Variants in SVEP1 observed in about 807,000 individuals in gnomAD.
SVEP1 encodes the protein sushi, von Willebrand factor type A, EGF and pentraxin domain containing 1, also known as sushi, von Willebrand factor type A, EGF and pentraxin domain-containing protein 1.
In SVEP1, 164 loss-of-function variants were observed where a neutral mutation model predicts 367.3. The observed-to-expected ratio is 0.45, with a 90% CI of 0.39 to 0.51. SVEP1 has a LOEUF of 0.51. Among genes scored for constraint, SVEP1 ranks in the 20% least tolerant of loss-of-function variants. SVEP1 has a pLI of 0.00. For synonymous variants in SVEP1, 1,666 were observed against 1,611.6 expected (o/e 1.03, Z -0.81); for missense variants, 4,117 against 4,425.3 (o/e 0.93, Z 1.98).
chr9:110,542,619 A>G (rs1830165511), intron 3 of SVEP1, among the ~76,000 whole-genome samples: 1 of 152,192 alleles, frequency 6.6e-6, no homozygotes, highest in African/African-American at 2.4e-5. Context: ...GGCAATTACA[A>G]ACTGATTTTT....
chr9:110,402,687 C>G (rs1827882448), intron 39 of SVEP1, among the ~76,000 whole-genome samples: 1 of 152,108 alleles, frequency 6.6e-6, no homozygotes, highest in Non-Finnish European at 1.5e-5. Flanking sequence ...ACCTGGAGAA[C>G]AACAATTTGA....
intron 3 of SVEP1, among the ~76,000 whole-genome samples, chr9:110,528,164 A>ATATATATATATATG (rs1829969664): frequency 9.0e-6 from 1 of 110,816 alleles, no homozygotes; most frequent in Non-Finnish European, 2.0e-5. Flanking sequence ...GTGTATATAT[A>ATATATATATATATG]TATATATATA....
rs563107499 is a variant in SVEP1, at chr9:110,427,079, C to T, written c.5975+512G>A. Among the ~76,000 whole-genome samples, 6 of 152,094 alleles carry T rather than the reference C, an allele frequency of 3.9e-5. No homozygotes were observed. In the South Asian group the frequency reaches 1.2e-3, roughly 32 times the overall value. On this transcript the variant is annotated intron_variant, in intron 36 of 47. Coordinates refer to ENST00000374469, the MANE Select transcript of SVEP1 (RefSeq NM_153366.4). Reference sequence around the variant, plus strand: ...ATCTCAGGCTGAGGCAAGTGGATCACCTGAGGTCAGGAGTTCAAGACTAGC... The same window carrying T: ...ATCTCAGGCTGAGGCAAGTGGATCATCTGAGGTCAGGAGTTCAAGACTAGC...
rs138606556 is a variant in SVEP1 at position 110,409,072 on chromosome 9, A to G, written c.6649-121T>C. 268 of 1,094,484 alleles carry G rather than the reference A, an allele frequency of 2.4e-4. 3 individuals are homozygous for G. In the African/African-American group the frequency reaches 3.7e-3, roughly 15 times the overall value. The allele number at this position is 1,094,484 out of a possible 1,614,324, so 67.8% of individuals were successfully genotyped here. A position where few individuals can be genotyped will look rare whatever the true frequency, so the allele number is the denominator to read the frequency against. On this transcript the variant is annotated intron_variant, in intron 37 of 47. Coordinates refer to ENST00000374469, the MANE Select transcript of SVEP1 (RefSeq NM_153366.4). Reference sequence around the variant, plus strand: ...GTTAAAATGAATCAATTAGGAAGTAAGCAAATAATGATTTATGGTTTTTCC... The same window carrying G: ...GTTAAAATGAATCAATTAGGAAGTAGGCAAATAATGATTTATGGTTTTTCC...
intron 44 of SVEP1, among the ~76,000 whole-genome samples, chr9:110,378,200 A>ATCACACACACAACACTC (rs1409147214): frequency 1.2e-4 from 19 of 152,194 alleles, no homozygotes; most frequent in African/African-American, 4.3e-4. Context: ...GTTGTTCAAT[A>ATCACACACACAACACTC]TCACACACAC....
chr9:110,368,229 T>A (rs1827227208), intron 47 of SVEP1, among the ~76,000 whole-genome samples: 1 of 152,206 alleles, frequency 6.6e-6, no homozygotes, highest in Non-Finnish European at 1.5e-5. Flanking sequence ...AGTCTGGTCC[T>A]CCTGATGCTC....
At chr9:110,558,626 A>C (rs1449451514) in intron 1 of SVEP1, among the ~76,000 whole-genome samples, 1 of 152,114 alleles carries the variant, frequency 6.6e-6, no homozygotes, top group African/African-American at 2.4e-5. Context: ...GAATAGGCTA[A>C]AATGAAAAGA....
chr9:110,449,875 T>C (rs1828664910), intron 24 of SVEP1, among the ~76,000 whole-genome samples, 184 bp downstream of exon 24: 1 of 152,180 alleles, frequency 6.6e-6, no homozygotes, highest in East Asian at 1.9e-4. Context: ...TTTAAAATGA[T>C]AGGCTCTACT....
chr9:110,445,646 T>C (rs1010443177), intron 26 of SVEP1, among the ~76,000 whole-genome samples, 191 bp downstream of exon 26: 2 of 152,208 alleles, frequency 1.3e-5, no homozygotes, highest in Non-Finnish European at 2.9e-5. Flanking sequence ...ACACAATACA[T>C]GTTTGAGGTA....
chr9:110,413,741 A>G (rs1828078829), intron 36 of SVEP1, among the ~76,000 whole-genome samples: 2 of 151,960 alleles, frequency 1.3e-5, no homozygotes, highest in South Asian at 4.1e-4. Flanking sequence ...TAGGATATAC[A>G]GTATTAGAAT....
chr9:110,468,871 T>C (rs1828976508), intron 17 of SVEP1, 69 bp downstream of exon 17: 1 of 1,444,254 alleles, frequency 6.9e-7, no homozygotes, highest in Non-Finnish European at 9.3e-7. Flanking sequence ...AGAAAATAAA[T>C]CTTTCTTTCC....
chr9:110,443,849 C>T (rs1237833765), intron 26 of SVEP1, 129 bp from the exon 27 acceptor site: 1 of 673,890 alleles, frequency 1.5e-6, no homozygotes, highest in South Asian at 4.5e-5. Context: ...ATCCATTACT[C>T]TTTTTTTTTC....
At chr9:110,377,248 G>A (rs546364263) in intron 45 of SVEP1, 23 bp downstream of exon 45, 2 of 1,607,368 alleles carry the variant, frequency 1.2e-6, no homozygotes, top group South Asian at 2.2e-5. Context: ...AGGACTCAAA[G>A]TAAGATCTGA....
At chr9:110,430,084 A>G in intron 33 of SVEP1, 80 bp from the exon 34 acceptor site, 1 of 1,429,212 alleles carries the variant, frequency 7.0e-7, no homozygotes, top group Non-Finnish European at 9.5e-7. Flanking sequence ...GCAGCTCAAG[A>G]TCTTTTTTTG....
intron 40 of SVEP1, among the ~76,000 whole-genome samples, chr9:110,390,822 G>A (rs569115446): frequency 6.6e-6 from 1 of 151,902 alleles, no homozygotes; most frequent in African/African-American, 2.4e-5. Context: ...CTGTCTGATG[G>A]AAAAATTCAA....
At chr9:110,400,675 T>C (rs1406863195) in intron 40 of SVEP1, among the ~76,000 whole-genome samples, 179 bp downstream of exon 40, 1 of 152,206 alleles carries the variant, frequency 6.6e-6, no homozygotes, top group Non-Finnish European at 1.5e-5. Context: ...TTTATTTTAC[T>C]TTTTAAAACT....
intron 5 of SVEP1, among the ~76,000 whole-genome samples, chr9:110,505,711 T>C (rs1037678287): frequency 1.3e-5 from 2 of 152,122 alleles, no homozygotes; most frequent in Non-Finnish European, 2.9e-5. Context: ...TCTCTCTCTC[T>C]TTCTCTCACA....
intron 21 of SVEP1, among the ~76,000 whole-genome samples, chr9:110,456,581 T>C (rs1351550127): frequency 6.6e-6 from 1 of 152,230 alleles, no homozygotes; most frequent in Non-Finnish European, 1.5e-5. Context: ...TGAATTCCTT[T>C]ACTTAAATAC....
intron 14 of SVEP1, among the ~76,000 whole-genome samples, chr9:110,473,992 A>G (rs968775221): frequency 6.6e-6 from 1 of 152,132 alleles, no homozygotes; most frequent in African/African-American, 2.4e-5. Context: ...CAAAAATTGC[A>G]TTCCACTTTA....
Sources: allele counts gnomAD v4.1 joint callset (sites outside exome capture counted in the v4.1 genomes callset), GRCh38; gene constraint gnomAD v4.1.1; transcripts MANE v1.5; gene names NCBI Gene and HGNC (gene_info 2026-07-23, HGNC 2026-07-21).